Variants in RMND5B observed in about 807,000 individuals in gnomAD.
RMND5B encodes the protein required for meiotic nuclear division 5 homolog B.
Under a neutral mutation model 50.4 loss-of-function variants are expected in RMND5B, and 42 were observed. The observed-to-expected ratio is 0.83, with a 90% CI of 0.65 to 1.08. The LOEUF (loss-of-function observed/expected upper bound fraction) is 1.08, where lower values mean the gene tolerates loss of function less well. Among genes scored for constraint, RMND5B ranks in the 50% least tolerant of loss-of-function variants. RMND5B has a pLI of 0.00. For synonymous variants in RMND5B, 220 were observed against 210.0 expected, an observed-to-expected ratio of 1.05 and a Z score of -0.41; for missense variants, 463 against 508.5, an observed-to-expected ratio of 0.91 and a Z score of 0.86.
chr5:178,142,680 T>C lies in RMND5B; in HGVS notation c.237T>C (p.His79=). 6.2e-7 allele frequency: 1 copy of C among 1,614,174 alleles called. No homozygotes were observed. Among genetic ancestry groups the C allele is most frequent in the Non-Finnish European group, 8.5e-7 (1 of 1,180,014 alleles). Residue 79 remains histidine (H), a synonymous_variant, in exon 4 of 11, where the codon CAT becomes CAC. Transcript: ENST00000313386. ...KDTVQKLASD[H]KDIHSSVSRV... is the part of the protein sequence containing the mutation. ...CGGTGCAGAAACTGGCTTCGGACCA[T>C]AAGGACATTCACAGCAGTGTATCCC...
intron 3 of RMND5B, 29 bp from the exon 4 acceptor site, chr5:178,142,554 T>A: frequency 6.3e-7 from 1 of 1,591,144 alleles, no homozygotes; most frequent in Non-Finnish European, 8.6e-7. Flanking sequence ...GTCTGCCTCC[T>A]CTGTGTCCTT....
intron 5 of RMND5B, 26 bp downstream of exon 5, chr5:178,143,018 C>A: frequency 6.3e-7 from 1 of 1,596,844 alleles, no homozygotes; most frequent in South Asian, 1.1e-5. Flanking sequence ...GCGGGCGCAA[C>A]AACCTGCCTG....
Position 178,150,399 on chromosome 5 carries a change from G to A in RMND5B, c.*2367G>A. The A allele has an allele frequency of 4.0e-6, 1 of 251,224 alleles. No homozygotes were observed. Among genetic ancestry groups the A allele is most frequent in the Non-Finnish European group, 8.0e-6 (1 of 125,724 alleles). 15.6% of individuals were successfully genotyped at this position (251,224 alleles called of 1,614,324 possible). ...CCCAGCCTCTATTTTTTTTTTTTGA[G>A]ACAGGGCCTCACTCTGTCATGCAGT... On this transcript the variant is annotated 3_prime_UTR_variant, in exon 11 of 11. Coordinates refer to ENST00000313386, the MANE Select transcript of RMND5B (RefSeq NM_022762.5).
rs1417715735 is a variant in RMND5B at position 178,137,134 on chromosome 5, C to T, written c.-12-974C>T. On this transcript the variant is annotated intron_variant, in intron 2 of 10. Transcript: ENST00000313386. The surrounding 1 kb of genome is among the most constrained non-coding windows in gnomAD (Gnocchi z 4.4). Reference sequence around the variant, plus strand: ...TCGAGGAGGTAAGGGTGATGGAGAGCAGGCCAGGTGAGGAAGCAGCATGTA... The same window carrying T: ...TCGAGGAGGTAAGGGTGATGGAGAGTAGGCCAGGTGAGGAAGCAGCATGTA... Among the ~76,000 whole-genome samples, 1 of 152,092 alleles carries T rather than the reference C, an allele frequency of 6.6e-6. No individual in the cohort carries two copies. Among genetic ancestry groups the T allele is most frequent in the African/African-American group, 2.4e-5 (1 of 41,414 alleles).
In RMND5B at chr5:178,142,991, A is replaced by G; in HGVS notation, c.425A>G (p.Gln142Arg). 6.2e-7 allele frequency: 1 copy of G among 1,611,980 alleles called. No homozygotes were observed. Among genetic ancestry groups the G allele is most frequent in the Non-Finnish European group, 8.5e-7 (1 of 1,178,614 alleles). ...CTCAGCGTGGCCGAGGAGCTGTGCCAGGTACAGTCGGGCTGGGCGGGCGCA... is the reference window on the plus strand; with the variant it reads ...CTCAGCGTGGCCGAGGAGCTGTGCCGGGTACAGTCGGGCTGGGCGGGCGCA... The part of the protein sequence containing the change: ...GMLSVAEELC[Q>R]ESTLNVDLDF... The change falls in exon 5 of 11, where the codon CAG becomes CGG. Residue 142 changes from glutamine to arginine, a missense_variant and splice_region_variant. By Grantham distance (43) the Gln-to-Arg change is conservative (BLOSUM62 1). Coordinates refer to ENST00000313386, the MANE Select transcript of RMND5B (RefSeq NM_022762.5).
At chr5:178,147,384 T>C (rs1381896196) in intron 8 of RMND5B, 149 bp from the exon 9 acceptor site, 2 of 628,718 alleles carry the variant, frequency 3.2e-6, no homozygotes, top group Non-Finnish European at 5.6e-6. Context: ...TGACATCTTA[T>C]GAACAATGTG....
In RMND5B at chr5:178,143,542, CG is replaced by C. The variant is rs535777976; in HGVS notation, c.427-82del. 1.6e-4 allele frequency: 168 copies of C among 1,066,346 alleles called. 1 individual carries two copies. In the Admixed American group the frequency reaches 3.2e-3, roughly 20 times the overall value. The allele number at this position is 1,066,346 out of a possible 1,614,324, so 66.1% of individuals were successfully genotyped here. Reference sequence around the variant, plus strand: ...GCCCAGCTCTCTGGCCTGTCTTTGGCGGGTGAGCTTTTATTATGTGCATAGC... The same window carrying C: ...GCCCAGCTCTCTGGCCTGTCTTTGGCGGTGAGCTTTTATTATGTGCATAGC... On this transcript the variant is annotated intron_variant, in intron 5 of 10. Transcript: ENST00000313386.
Position 178,142,833 on chromosome 5 carries a change from GTC to G in RMND5B, c.286-14_286-13del. The G allele has an allele frequency of 1.9e-6, 3 of 1,614,266 alleles. No individual in the cohort carries two copies. The highest frequency in any genetic ancestry group is 1.7e-6 in the Non-Finnish European group (2 of 1,180,050). ...AAGAGTGCCCGCATCACCAGGCCCT[GTC>G]TCTCCTCCTTCGTCAGAACTTCGAC... On this transcript the variant is annotated splice_polypyrimidine_tract_variant and intron_variant, in intron 4 of 10. Coordinates refer to ENST00000313386, the MANE Select transcript of RMND5B (RefSeq NM_022762.5).
In RMND5B at chr5:178,149,596, C is replaced by T. The variant is rs1028813267; in HGVS notation, c.*1564C>T. 16 of 1,360,114 alleles carry T rather than the reference C, an allele frequency of 1.2e-5. 1 individual carries two copies. Among genetic ancestry groups the T allele is most frequent in the South Asian group, 3.7e-5 (3 of 80,264 alleles). The allele number at this position is 1,360,114 out of a possible 1,614,324, so 84.3% of individuals were successfully genotyped here. ...CTGTTAGAGCTGCCTGGGAAGAAGGCGTGCCTTGGGGAACTGGGAAGATGC... is the reference window on the plus strand; with the variant it reads ...CTGTTAGAGCTGCCTGGGAAGAAGGTGTGCCTTGGGGAACTGGGAAGATGC... On this transcript the variant is annotated 3_prime_UTR_variant, in exon 11 of 11. Coordinates refer to ENST00000313386, the MANE Select transcript of RMND5B (RefSeq NM_022762.5).
rs1755804149 is a variant in RMND5B, at chr5:178,143,557, T to C, written c.427-70T>C. On this transcript the variant is annotated intron_variant, in intron 5 of 10. Coordinates refer to ENST00000313386, the MANE Select transcript of RMND5B (RefSeq NM_022762.5). ...CTGTCTTTGGCGGGTGAGCTTTTAT[T>C]ATGTGCATAGCAGAGAACTTTGGAA... 16 of 1,223,874 alleles carry C rather than the reference T, an allele frequency of 1.3e-5. No homozygotes were observed. The South Asian group carries it at 1.5e-4, about 11-fold the overall frequency. The allele number at this position is 1,223,874 out of a possible 1,614,324, so 75.8% of individuals were successfully genotyped here.
At chr5:178,133,564 G>A (rs7380947) in intron 2 of RMND5B, 108,437 of 150,146 alleles carry the variant, frequency 0.72, 39,118 homozygotes, top group Admixed American at 0.78. Context: ...CCGCCACCAC[G>A]CCTCGGTAAT....
rs1254771705 is a variant in RMND5B at position 178,146,331 on chromosome 5, C to A, written c.860+52C>A. Reference sequence around the variant, plus strand: ...ACAGGTGGGAGGGTAGAGAGGTAATCATCATTTGCCAAGGCCCTGCCATGT... The same window carrying A: ...ACAGGTGGGAGGGTAGAGAGGTAATAATCATTTGCCAAGGCCCTGCCATGT... On this transcript the variant is annotated intron_variant, in intron 8 of 10. Coordinates refer to ENST00000313386, the MANE Select transcript of RMND5B (RefSeq NM_022762.5). 2.6e-6 allele frequency: 4 copies of A among 1,553,000 alleles called. No homozygotes were observed. In the African/African-American group the frequency reaches 4.1e-5, roughly 16 times the overall value.
chr5:178,148,034 T>A lies in RMND5B; in HGVS notation c.*2T>A. On this transcript the variant is annotated 3_prime_UTR_variant, in exon 11 of 11. Coordinates refer to ENST00000313386, the MANE Select transcript of RMND5B (RefSeq NM_022762.5). ...GATGGGAAACGCATCATATTCTGATTCCTACCTGGAAGGAATTTTGTTGAA... is the reference window on the plus strand; with the variant it reads ...GATGGGAAACGCATCATATTCTGATACCTACCTGGAAGGAATTTTGTTGAA... 6.2e-7 allele frequency: 1 copy of A among 1,613,996 alleles called. No individual in the cohort carries two copies. The highest frequency in any genetic ancestry group is 8.5e-7 in the Non-Finnish European group (1 of 1,179,932).
At chr5:178,135,547 G>C (rs1758577633) in intron 2 of RMND5B, among the ~76,000 whole-genome samples, 1 of 152,174 alleles carries the variant, frequency 6.6e-6, no homozygotes, top group Admixed American at 6.5e-5. Flanking sequence ...GTTTCTAAAT[G>C]CTCCACAGGT....
chr5:178,139,524 A>C (rs556087243), intron 3 of RMND5B, among the ~76,000 whole-genome samples: 1 of 143,192 alleles, frequency 7.0e-6, no homozygotes, highest in Non-Finnish European at 1.5e-5. Flanking sequence ...TCAACATTTC[A>C]ATTTTGCCAT....
chr5:178,143,273 G>A (rs931861864), intron 5 of RMND5B, among the ~76,000 whole-genome samples: 1 of 143,742 alleles, frequency 7.0e-6, no homozygotes, highest in Non-Finnish European at 1.5e-5. Flanking sequence ...CTTGTTAGGT[G>A]TTAAAGACAC....
At chr5:178,140,353 T>A (rs575413771) in intron 3 of RMND5B, among the ~76,000 whole-genome samples, 451 of 151,534 alleles carry the variant, frequency 3.0e-3, no homozygotes, top group African/African-American at 0.01. Flanking sequence ...TTTTTTTTTT[T>A]TTATTGTAGA....
intron 3 of RMND5B, among the ~76,000 whole-genome samples, chr5:178,140,574 A>T (rs1758874843): frequency 6.6e-6 from 1 of 152,062 alleles, no homozygotes; most frequent in Non-Finnish European, 1.5e-5. Context: ...TGTGGGCTGT[A>T]ATCCTAGCAC....
rs150844606 is a variant in RMND5B, at chr5:178,149,705, G to A, written c.*1673G>A. ...CAGCGGCAGGTGCCCAGGTGCTACCGGAGCCCCTCATAGGGGTAGGGGCAG... is the reference window on the plus strand; with the variant it reads ...CAGCGGCAGGTGCCCAGGTGCTACCAGAGCCCCTCATAGGGGTAGGGGCAG... On this transcript the variant is annotated 3_prime_UTR_variant, in exon 11 of 11. Transcript: ENST00000313386. 1.6e-4 allele frequency: 254 copies of A among 1,613,040 alleles called. 3 individuals carry two copies. The East Asian group carries it at 5.0e-3, about 32-fold the overall frequency.
Sources: allele counts gnomAD v4.1 joint callset (sites outside exome capture counted in the v4.1 genomes callset), GRCh38; gene constraint gnomAD v4.1.1; non-coding constraint Gnocchi (gnomAD v3.1); transcripts MANE v1.5; gene names NCBI Gene and HGNC (gene_info 2026-07-23, HGNC 2026-07-21).